Variants in LRP1B observed in about 807,000 individuals in gnomAD.
LRP1B encodes LDL receptor related protein 1B, also known as low-density lipoprotein receptor-related protein 1B.
A neutral mutation model predicts 556.6 loss-of-function variants in LRP1B; 217 were observed. The observed-to-expected ratio is 0.39, with a 90% CI of 0.35 to 0.44. The LOEUF is 0.44. Ranked by LOEUF, LRP1B falls within the 20% of genes least tolerant of loss-of-function variation. LRP1B has a pLI of 1.00. For synonymous variants in LRP1B, 2,047 were observed against 1,865.8 expected, an observed-to-expected ratio of 1.10 and a Z score of -2.50; for missense variants, 5,053 against 5,620.8, an observed-to-expected ratio of 0.90 and a Z score of 3.23.
chr2:141,646,526 G>T (rs187910048), intron 2 of LRP1B, among the ~76,000 whole-genome samples: 31 of 152,166 alleles, frequency 2.0e-4, no homozygotes, highest in African/African-American at 6.7e-4. Flanking sequence ...TAATTAATAC[G>T]TTGGGAGCAT....
intron 7 of LRP1B, among the ~76,000 whole-genome samples, chr2:141,064,800 A>G (rs745798990): frequency 1.3e-5 from 2 of 151,946 alleles, no homozygotes; most frequent in Non-Finnish European, 2.9e-5. Flanking sequence ...GCTGTATTAC[A>G]ATTGGTAAAC....
intron 3 of LRP1B, among the ~76,000 whole-genome samples, chr2:141,310,527 G>C (rs983095005): frequency 7.9e-5 from 12 of 152,156 alleles, no homozygotes; most frequent in Admixed American, 3.3e-4. Flanking sequence ...GTTCTAACAA[G>C]TGACACCTAG....
At chr2:141,344,442 G>T (rs1019071440) in intron 3 of LRP1B, among the ~76,000 whole-genome samples, 2 of 152,066 alleles carry the variant, frequency 1.3e-5, no homozygotes, top group Non-Finnish European at 2.9e-5. Flanking sequence ...GGCCTTTGGC[G>T]TAGGTGTTTT....
At position 140,354,854 on chromosome 2, in the gene LRP1B, T is replaced by G. The variant is rs368298390; in HGVS notation, c.11530+1488A>C. On this transcript the variant is annotated intron_variant, in intron 75 of 90. Transcript: ENST00000389484. Reference sequence around the variant, plus strand: ...CTTTTTTCCCTTTAGATATTCTAATTGAAGTGTTTGGGCTTTAACATCAAA... The same window carrying G: ...CTTTTTTCCCTTTAGATATTCTAATGGAAGTGTTTGGGCTTTAACATCAAA... 3.9e-5 allele frequency among the ~76,000 whole-genome samples: 6 copies of G among 152,054 alleles called. No homozygotes were observed. In the South Asian group the frequency reaches 8.3e-4, roughly 21 times the overall value.
intron 41 of LRP1B, among the ~76,000 whole-genome samples, chr2:140,690,651 AT>A (rs745386240): frequency 1.3e-5 from 2 of 151,854 alleles, no homozygotes; most frequent in Admixed American, 6.6e-5. Flanking sequence ...GAGATTTCAT[AT>A]TTTTTTTCCT....
At chr2:140,882,408 A>G (rs1209737211) in intron 25 of LRP1B, among the ~76,000 whole-genome samples, 1 of 152,222 alleles carries the variant, frequency 6.6e-6, no homozygotes, top group African/African-American at 2.4e-5. Flanking sequence ...CGTAGACTAC[A>G]TAAACTAGAG....
At chr2:140,628,652 G>A (rs1439312473) in intron 41 of LRP1B, among the ~76,000 whole-genome samples, 2 of 152,050 alleles carry the variant, frequency 1.3e-5, no homozygotes, top group African/African-American at 2.4e-5. Flanking sequence ...AGAACTGGTG[G>A]TACTCTCAAA....
At chr2:141,583,611 A>C (rs1171625676) in intron 2 of LRP1B, among the ~76,000 whole-genome samples, 1 of 151,716 alleles carries the variant, frequency 6.6e-6, no homozygotes, top group Admixed American at 6.6e-5. Context: ...TTATATTACA[A>C]ATAAAAGTAT....
intron 2 of LRP1B, among the ~76,000 whole-genome samples, chr2:141,705,169 T>C (rs1194861311): frequency 6.6e-6 from 1 of 152,014 alleles, no homozygotes; most frequent in Non-Finnish European, 1.5e-5. Context: ...CCCAGGTAGT[T>C]TGACTCTGGA....
At chr2:140,903,245 T>C in intron 22 of LRP1B, 80 bp from the exon 23 acceptor site, 1 of 1,492,958 alleles carries the variant, frequency 6.7e-7, no homozygotes, top group Non-Finnish European at 9.1e-7. Context: ...CTCAATTCTC[T>C]AAGCCTACAA....
At chr2:140,737,201 G>A (rs536828188) in intron 35 of LRP1B, among the ~76,000 whole-genome samples, 17 of 152,084 alleles carry the variant, frequency 1.1e-4, no homozygotes, top group Admixed American at 5.2e-4. Context: ...CTAGGGAGAA[G>A]GACCTTGCAA....
chr2:141,040,105 T>C (rs1289248084), intron 11 of LRP1B, among the ~76,000 whole-genome samples: 1 of 152,052 alleles, frequency 6.6e-6, no homozygotes, highest in Non-Finnish European at 1.5e-5. Flanking sequence ...ACAATTTTAT[T>C]TAGACTATAT....
intron 77 of LRP1B, among the ~76,000 whole-genome samples, chr2:140,345,165 T>A (rs140290488): frequency 6.6e-6 from 1 of 151,824 alleles, no homozygotes; most frequent in Non-Finnish European, 1.5e-5. Context: ...ATACCAGAAG[T>A]ACTCTCCCGA....
intron 7 of LRP1B, among the ~76,000 whole-genome samples, chr2:141,098,019 T>C (rs1368540343): frequency 1.3e-5 from 2 of 152,204 alleles, no homozygotes; most frequent in Admixed American, 6.5e-5. Flanking sequence ...AATACAGCTT[T>C]GTTAAGCCTT....
Position 141,013,716 on chromosome 2 carries a change from G to A in LRP1B, c.2220C>T (p.His740=), listed in dbSNP as rs1265326136. 3.1e-6 allele frequency: 5 copies of A among 1,594,512 alleles called. No homozygotes were observed. In the South Asian group the frequency reaches 5.7e-5, roughly 18 times the overall value. The change falls in exon 14 of 91, where the codon CAC becomes CAT. Residue 740 remains histidine, a synonymous_variant. Coordinates refer to ENST00000389484, the MANE Select transcript of LRP1B (RefSeq NM_018557.3). ...TTCCATGATGCGACAGTCCGAAAGG[G>A]TGGTTCAACTCTCTCCCACTGTAAA... The part of the protein sequence containing the change: ...KIVYSGRELN[H]PFGLSHHGNY...
intron 2 of LRP1B, among the ~76,000 whole-genome samples, chr2:141,509,581 C>CAAAA (rs1333316065): frequency 7.5e-6 from 1 of 133,888 alleles, no homozygotes; most frequent in African/African-American, 2.8e-5. Context: ...AACAAACAAA[C>CAAAA]AAACAAAATG....
intron 3 of LRP1B, among the ~76,000 whole-genome samples, chr2:141,458,372 G>C (rs767980344): frequency 6.6e-6 from 1 of 152,108 alleles, no homozygotes; most frequent in Non-Finnish European, 1.5e-5. Flanking sequence ...TCAAAATCAA[G>C]GTGAATGAGC....
Position 140,620,926 on chromosome 2 carries a change from T to C in LRP1B, c.6800-19287A>G, listed in dbSNP as rs575807352. Among the ~76,000 whole-genome samples the C allele has an allele frequency of 2.6e-5, 4 of 152,252 alleles. No homozygotes were observed. In the South Asian group the frequency reaches 6.2e-4, roughly 24 times the overall value. On this transcript the variant is annotated intron_variant, in intron 41 of 90. Coordinates refer to ENST00000389484, the MANE Select transcript of LRP1B (RefSeq NM_018557.3). Reference sequence around the variant, plus strand: ...GAATTCTTTTGAACCCCCAGGATTGTTTTAATAGCATATATATTAAACAGT... The same window carrying C: ...GAATTCTTTTGAACCCCCAGGATTGCTTTAATAGCATATATATTAAACAGT...
intron 55 of LRP1B, among the ~76,000 whole-genome samples, chr2:140,500,922 T>C (rs1049579567): frequency 3.3e-5 from 5 of 151,958 alleles, no homozygotes; most frequent in Non-Finnish European, 7.4e-5. Context: ...CTATTGAAGA[T>C]TCATACAGAG....
Sources: gnomAD v4.1 joint callset for allele counts (sites outside exome capture counted in the v4.1 genomes callset) on GRCh38, gnomAD v4.1.1 for gene constraint, MANE v1.5 for transcripts, NCBI Gene and HGNC (gene_info 2026-07-23, HGNC 2026-07-21) for gene names.